The following KIF2A variants were observed in gnomAD, a reference collection of about 807,000 sequenced individuals.
The protein encoded by KIF2A is kinesin family member 2A.
In KIF2A, 22 loss-of-function variants were observed where a neutral mutation model predicts 100.2. The ratio of observed to expected loss-of-function variants is 0.22; its 90% CI spans 0.16 to 0.31. KIF2A has a LOEUF of 0.31. KIF2A is among the 10% of genes least tolerant of loss of function. The pLI is 1.00. For synonymous variants in KIF2A, 268 were observed against 285.9 expected (o/e 0.94, Z 0.63); for missense variants, 495 against 898.7 (o/e 0.55, Z 5.74).
chr5:62,320,191 T>C (rs1746029368), intron 1 of KIF2A, among the ~76,000 whole-genome samples: 2 of 152,230 alleles, frequency 1.3e-5, no homozygotes, highest in Admixed American at 1.3e-4. Context: ...TCATTCTTTC[T>C]TGTACTGCAT....
intron 1 of KIF2A, among the ~76,000 whole-genome samples, chr5:62,318,969 C>G (rs75747805): frequency 0.012 from 1,803 of 152,280 alleles, 32 homozygotes; most frequent in African/African-American, 0.041. Context: ...TGGTTGTCTT[C>G]CTTGACTCCT....
chr5:62,320,966 C>T (rs1235525628), intron 1 of KIF2A, among the ~76,000 whole-genome samples: 1 of 152,094 alleles, frequency 6.6e-6, no homozygotes, highest in African/African-American at 2.4e-5. Context: ...TAGTATCTGC[C>T]ATTAATCAAC....
chr5:62,352,480 A>G lies in KIF2A; in HGVS notation c.335-108A>G, dbSNP rs992650884. ...TAAATAGAAAACCTGGCAACTTACT[A>G]ATGTAACTTTTAAGTATCAGGTTTT... On this transcript the variant is annotated intron_variant, in intron 4 of 20. Coordinates refer to ENST00000407818, the MANE Select transcript of KIF2A (RefSeq NM_001098511.3). 1.1e-5 allele frequency: 7 copies of G among 648,558 alleles called. No homozygotes were observed. The African/African-American group carries it at 1.1e-4, about 10-fold the overall frequency. The allele number at this position is 648,558 out of a possible 1,614,324, so 40.2% of individuals were successfully genotyped here. A position where few individuals can be genotyped will look rare whatever the true frequency, so the allele number is the denominator to read the frequency against.
intron 1 of KIF2A, among the ~76,000 whole-genome samples, chr5:62,332,701 C>T (rs919261061): frequency 1.7e-4 from 26 of 152,070 alleles, no homozygotes; most frequent in African/African-American, 6.3e-4. Flanking sequence ...GGCAGTGTAT[C>T]AACACGAACT....
chr5:62,346,481 G>A (rs1475662357), intron 1 of KIF2A, among the ~76,000 whole-genome samples: 2 of 150,986 alleles, frequency 1.3e-5, no homozygotes, highest in Non-Finnish European at 1.5e-5. Flanking sequence ...AGCTCATGCC[G>A]GTAATCCCAT....
rs1410948931 is a variant in KIF2A at position 62,306,505 on chromosome 5, C to G, written c.33C>G (p.Ile11Met). The change falls in exon 1 of 21, where the codon ATC becomes ATG. Residue 11 changes from isoleucine to methionine, a missense_variant. Physicochemically the swap from Ile to Met is conservative, Grantham distance 10. Around this residue, in one of 10 missense-constraint regions of KIF2A, gnomAD observed 26 missense variants for 16.4 expected, o/e 1.59. Coordinates refer to ENST00000407818, the MANE Select transcript of KIF2A (RefSeq NM_001098511.3). MATANFGKIQ[I>M]GIYVEIKRSD... is the part of the protein sequence containing the mutation. ...CGGCCAACTTCGGCAAGATCCAGAT[C>G]GGGATTTACGTGGAGATCAAGCGCA... The G allele has an allele frequency of 1.3e-6, 2 of 1,546,096 alleles. No homozygotes were observed. Among genetic ancestry groups the G allele is most frequent in the African/African-American group, 1.4e-5 (1 of 72,204 alleles).
chr5:62,354,260 G>C (rs542966260), intron 6 of KIF2A, among the ~76,000 whole-genome samples: 31 of 152,074 alleles, frequency 2.0e-4, no homozygotes, highest in South Asian at 8.3e-4. Context: ...GTTTCCTGTG[G>C]GTACTTCATA....
intron 18 of KIF2A, among the ~76,000 whole-genome samples, chr5:62,375,835 T>TAC (rs1180633297): frequency 6.6e-6 from 1 of 152,212 alleles, no homozygotes; most frequent in African/African-American, 2.4e-5. Context: ...CTGAACATCA[T>TAC]ACAGTGCACA....
chr5:62,384,117 G>C (rs2112015607), intron 20 of KIF2A, among the ~76,000 whole-genome samples: 1 of 152,142 alleles, frequency 6.6e-6, no homozygotes, highest in African/African-American at 2.4e-5. Context: ...CATGCCTGTA[G>C]TCCCAGCTAC....
rs558315975 is a variant in KIF2A, at chr5:62,389,378, C to T, written c.*3809C>T. ...GCACATGCCTGTAATCCCAGCTACT[C>T]GGGTGGTTGAGGCAGGAGATTTGCC... On this transcript the variant is annotated 3_prime_UTR_variant, in exon 21 of 21. Coordinates refer to ENST00000407818, the MANE Select transcript of KIF2A (RefSeq NM_001098511.3). Among the ~76,000 whole-genome samples the T allele has an allele frequency of 1.3e-4, 19 of 149,472 alleles. No individual in the cohort carries two copies. The highest frequency in any genetic ancestry group is 2.1e-4 in the Non-Finnish European group (14 of 67,658).
rs954333105 is a variant in KIF2A, at chr5:62,388,383, C to G, written c.*2814C>G. On this transcript the variant is annotated 3_prime_UTR_variant, in exon 21 of 21. Coordinates refer to ENST00000407818, the MANE Select transcript of KIF2A (RefSeq NM_001098511.3). Reference sequence around the variant, plus strand: ...GAGTCATGCCCTTTAATATGCCTGGCACTGCACGGTGGCAGTAGCAGACTT... The same window carrying G: ...GAGTCATGCCCTTTAATATGCCTGGGACTGCACGGTGGCAGTAGCAGACTT... 2 of 152,264 alleles carry G rather than the reference C, an allele frequency of 1.3e-5. No homozygotes were observed. The highest frequency in any genetic ancestry group is 4.8e-5 in the African/African-American group (2 of 41,448). The allele number at this position is 152,264 out of a possible 1,614,324, so 9.4% of individuals were successfully genotyped here.
At chr5:62,320,256 A>G (rs1439760170) in intron 1 of KIF2A, among the ~76,000 whole-genome samples, 1 of 152,154 alleles carries the variant, frequency 6.6e-6, no homozygotes, top group East Asian at 1.9e-4. Flanking sequence ...TACTGATGAC[A>G]TTTACATTTG....
intron 16 of KIF2A, among the ~76,000 whole-genome samples, chr5:62,370,662 T>C (rs1308621): frequency 0.97 from 148,215 of 152,210 alleles, 72,182 homozygotes; most frequent in East Asian, 1. Flanking sequence ...AATGGTTGTC[T>C]CAAGGAAAAA....
intron 19 of KIF2A, among the ~76,000 whole-genome samples, chr5:62,378,836 G>T (rs1308475227): frequency 6.6e-6 from 1 of 152,022 alleles, no homozygotes; most frequent in Non-Finnish European, 1.5e-5. Context: ...GATTCCTTGA[G>T]CCTGGGAGGT....
At chr5:62,314,349 A>G (rs1022052348) in intron 1 of KIF2A, among the ~76,000 whole-genome samples, 1 of 152,056 alleles carries the variant, frequency 6.6e-6, no homozygotes, top group African/African-American at 2.4e-5. Flanking sequence ...CTGTAGCCCC[A>G]GCTACTCAGG....
rs1464354745 is a variant in KIF2A at position 62,309,516 on chromosome 5, T to A, written c.64+2980T>A. ...CCCTCAAGCTTTCCCTTTTTCACTT[T>A]AAAGAAGCTTGTTTGCTTCCTCTCA... On this transcript the variant is annotated intron_variant, in intron 1 of 20. Transcript: ENST00000407818. Among the ~76,000 whole-genome samples the A allele has an allele frequency of 2.0e-5, 3 of 152,322 alleles. No homozygotes were observed. In the East Asian group the frequency reaches 5.8e-4, roughly 29 times the overall value.
chr5:62,311,580 C>G (rs7734341), intron 1 of KIF2A, among the ~76,000 whole-genome samples: 2,242 of 152,258 alleles, frequency 0.015, 56 homozygotes, highest in African/African-American at 0.051. Flanking sequence ...TCTTTATATG[C>G]TTTGCCACAT....
At chr5:62,339,898 A>G (rs1248895670) in intron 1 of KIF2A, among the ~76,000 whole-genome samples, 1 of 151,220 alleles carries the variant, frequency 6.6e-6, no homozygotes, top group African/African-American at 2.4e-5. Context: ...AAAAGCCAAA[A>G]TATGATTATC....
intron 4 of KIF2A, 110 bp from the exon 5 acceptor site, chr5:62,352,478 C>T (rs1747900121): frequency 3.1e-6 from 2 of 637,230 alleles, no homozygotes; most frequent in Non-Finnish European, 5.1e-6. Context: ...TGGCAACTTA[C>T]TAATGTAACT....
Sources: gnomAD v4.1 joint callset for allele counts (sites outside exome capture counted in the v4.1 genomes callset) on GRCh38, gnomAD v4.1.1 for gene constraint, gnomAD v4.1.1 regional missense constraint, MANE v1.5 for transcripts, NCBI Gene and HGNC (gene_info 2026-07-23, HGNC 2026-07-21) for gene names.